Variants in ARHGAP39 observed in about 807,000 individuals in gnomAD.
The protein encoded by ARHGAP39 is Rho GTPase activating protein 39, also known as rho GTPase-activating protein 39.
ARHGAP39 carries 44 observed loss-of-function variants against 106.9 expected under a neutral mutation model. The ratio of observed to expected loss-of-function variants is 0.41; its 90% CI spans 0.32 to 0.53. ARHGAP39 has a LOEUF of 0.53. ARHGAP39 is among the 20% of genes least tolerant of loss of function. The pLI, the probability that ARHGAP39 is intolerant of heterozygous loss-of-function variation, is 0.21. For missense variants in ARHGAP39, 1,496 were observed against 1,577.3 expected (o/e 0.95, Z 0.87); for synonymous variants, 768 against 693.2 (o/e 1.11, Z -1.69).
intron 1 of ARHGAP39, among the ~76,000 whole-genome samples, chr8:144,643,424 G>A (rs1821361528): frequency 6.6e-6 from 1 of 152,164 alleles, no homozygotes; most frequent in Non-Finnish European, 1.5e-5. Flanking sequence ...CTGTACTTCA[G>A]CCTAGGCGAC....
chr8:144,530,810 G>A lies in ARHGAP39; in HGVS notation c.3042C>T (p.Tyr1014=), dbSNP rs202148580. 5.0e-6 allele frequency: 8 copies of A among 1,611,994 alleles called. No homozygotes were observed. The highest frequency in any genetic ancestry group is 1.7e-4 in the Middle Eastern group (1 of 5,872). The change falls in exon 11 of 12, where the codon TAC becomes TAT. Residue 1014 remains tyrosine, a synonymous_variant. Transcript: ENST00000377307. ...LEEPLIPHEF[Y]EQCIAHYDSP... is the part of the protein sequence containing the mutation. ...TGTCGTAGTGCGCGATGCACTGCTC[G>A]TAGAACTCGTGCGGGATCAGGGGCT...
chr8:144,606,960 A>T (rs1342884655), intron 1 of ARHGAP39, among the ~76,000 whole-genome samples: 3 of 152,012 alleles, frequency 2.0e-5, no homozygotes, highest in Non-Finnish European at 4.4e-5. Flanking sequence ...GGACTATAGT[A>T]AAATTAAGAA....
intron 1 of ARHGAP39, among the ~76,000 whole-genome samples, chr8:144,655,192 G>A (rs1821665029): frequency 6.6e-6 from 1 of 152,170 alleles, no homozygotes; most frequent in Non-Finnish European, 1.5e-5. Context: ...CCTGAAGGCT[G>A]GGGGCTGGGC....
At chr8:144,681,197 G>C (rs775281507) in intron 1 of ARHGAP39, among the ~76,000 whole-genome samples, 1 of 152,150 alleles carries the variant, frequency 6.6e-6, no homozygotes, top group Non-Finnish European at 1.5e-5. Flanking sequence ...GCAGATGAAA[G>C]ACACAACGAG....
rs1368496490 is a variant in ARHGAP39 at position 144,585,411 on chromosome 8, G to T, written c.81-4134C>A. Among the ~76,000 whole-genome samples the T allele has an allele frequency of 3.3e-5, 5 of 150,474 alleles. No individual in the cohort carries two copies. The highest frequency in any genetic ancestry group is 7.4e-5 in the Non-Finnish European group (5 of 67,538). ...CACCGGCTCACCGAGAACCTGGAGG[G>T]GCCAGCCAGGGGTACCCAGCACCGG... On this transcript the variant is annotated intron_variant, in intron 2 of 11. Transcript: ENST00000377307. The surrounding 1 kb of genome is among the most constrained non-coding windows in gnomAD (Gnocchi z 4.6).
At chr8:144,597,600 C>G (rs887851615) in intron 2 of ARHGAP39, among the ~76,000 whole-genome samples, 11 of 152,160 alleles carry the variant, frequency 7.2e-5, no homozygotes, top group Non-Finnish European at 1.2e-4. Flanking sequence ...AACCCAGGAT[C>G]AGGGGGTCAA....
At chr8:144,614,825 T>C (rs778142917) in intron 1 of ARHGAP39, among the ~76,000 whole-genome samples, 3 of 152,214 alleles carry the variant, frequency 2.0e-5, no homozygotes, top group African/African-American at 4.8e-5. Context: ...TCAGTCAGCC[T>C]GCTGGCAACA....
At chr8:144,624,501 C>T (rs1025387372) in intron 1 of ARHGAP39, among the ~76,000 whole-genome samples, 4 of 152,254 alleles carry the variant, frequency 2.6e-5, no homozygotes, top group African/African-American at 9.6e-5. Flanking sequence ...GCCTCTAACC[C>T]GCACATCTGC....
At chr8:144,598,634 C>G (rs1000603376) in intron 2 of ARHGAP39, among the ~76,000 whole-genome samples, 2 of 152,218 alleles carry the variant, frequency 1.3e-5, no homozygotes, top group African/African-American at 4.8e-5. Context: ...ACACCTCACA[C>G]CACACACAAG....
the ARHGAP39 span, among the ~76,000 whole-genome samples, chr8:144,697,096 A>G: frequency 6.6e-5 from 10 of 152,172 alleles, no homozygotes; most frequent in Non-Finnish European, 1.0e-4. Flanking sequence ...AGGCCGAGGC[A>G]GGCGGATCAC....
At chr8:144,676,430 GGT>G (rs1822241036) in intron 1 of ARHGAP39, among the ~76,000 whole-genome samples, 1 of 125,570 alleles carries the variant, frequency 8.0e-6, no homozygotes, top group Admixed American at 7.8e-5. Context: ...GCTGCTGACT[GGT>G]GCGTTTACAA....
chr8:144,606,713 C>G (rs544936636), intron 1 of ARHGAP39, among the ~76,000 whole-genome samples: 2 of 152,144 alleles, frequency 1.3e-5, no homozygotes, highest in South Asian at 4.1e-4. Context: ...GTCAGTGCCC[C>G]TAAACCCTAA....
intron 2 of ARHGAP39, 131 bp downstream of exon 2, chr8:144,605,404 C>A: frequency 2.0e-6 from 2 of 990,174 alleles, no homozygotes; most frequent in South Asian, 1.5e-5. Context: ...CCATCCAGGC[C>A]TTGGGAACAG....
At chr8:144,599,183 T>G (rs1819746467) in intron 2 of ARHGAP39, among the ~76,000 whole-genome samples, 1 of 152,220 alleles carries the variant, frequency 6.6e-6, no homozygotes, top group Admixed American at 6.5e-5. Flanking sequence ...GAAATTCACC[T>G]GCAGATGCAC....
chr8:144,538,765 T>G (rs537194327), intron 6 of ARHGAP39, among the ~76,000 whole-genome samples: 19 of 152,218 alleles, frequency 1.2e-4, no homozygotes, highest in African/African-American at 4.3e-4. Flanking sequence ...GAGATGGGGT[T>G]TCACCATGTT....
At chr8:144,546,717 C>T (rs922084558) in intron 5 of ARHGAP39, among the ~76,000 whole-genome samples, 5 of 152,250 alleles carry the variant, frequency 3.3e-5, no homozygotes, top group East Asian at 1.9e-4. Context: ...GAGGGAGCCT[C>T]GGGGACTGGC....
At chr8:144,678,770 C>G (rs1822308949) in intron 1 of ARHGAP39, among the ~76,000 whole-genome samples, 1 of 152,178 alleles carries the variant, frequency 6.6e-6, no homozygotes, top group African/African-American at 2.4e-5. Flanking sequence ...CAAATATTGC[C>G]AAATGTGGCA....
chr8:144,598,496 C>T (rs1194608561), intron 2 of ARHGAP39, among the ~76,000 whole-genome samples: 1 of 152,196 alleles, frequency 6.6e-6, no homozygotes, highest in Admixed American at 6.5e-5. Context: ...CAGAAGCAGC[C>T]CCAGCTCCTT....
At position 144,562,262 on chromosome 8, in the gene ARHGAP39, TCGTGCTC is replaced by T. The variant is rs1818209820; in HGVS notation, c.513-6626_513-6620del. Reference sequence around the variant, plus strand: ...TTCCATCACACTCCAGTGGTTTCCATCGTGCTCCAGTGGTTTCCATCGTGCTCCAGTG... The same window carrying T: ...TTCCATCACACTCCAGTGGTTTCCATCAGTGGTTTCCATCGTGCTCCAGTG... On this transcript the variant is annotated intron_variant, in intron 3 of 11. Transcript: ENST00000377307. 2.3e-4 allele frequency among the ~76,000 whole-genome samples: 19 copies of T among 82,738 alleles called. No individual in the cohort carries two copies. The Admixed American group carries it at 2.5e-3, about 11-fold the overall frequency. The allele number at this position is 82,738 out of a possible 152,430, so 54.3% of individuals were successfully genotyped here.
Sources: allele counts gnomAD v4.1 joint callset (sites outside exome capture counted in the v4.1 genomes callset), GRCh38; gene constraint gnomAD v4.1.1; non-coding constraint Gnocchi (gnomAD v3.1); transcripts MANE v1.5; gene names NCBI Gene and HGNC (gene_info 2026-07-23, HGNC 2026-07-21).